Variants in DERL3 observed in about 807,000 individuals in gnomAD.
The protein encoded by DERL3 is derlin-3.
In DERL3, 20 loss-of-function variants were observed where a neutral mutation model predicts 23.8. The observed-to-expected ratio is 0.84, with a 90% CI of 0.59 to 1.22. DERL3 has a LOEUF of 1.22. Ranked by LOEUF, DERL3 falls within the 50% of genes most tolerant of loss-of-function variation. DERL3 has a pLI of 0.00. For missense variants in DERL3, 319 were observed against 304.1 expected, an observed-to-expected ratio of 1.05 and a Z score of -0.36; for synonymous variants, 145 against 132.5, an observed-to-expected ratio of 1.09 and a Z score of -0.65.
rs112734547 is a variant in DERL3 at position 23,837,156 on chromosome 22, T to A, written c.524-2A>T. The stretch of plus-strand genomic sequence containing the variant: ...AGTAGATATGGCCCACCGCAATCCC[T>A]GTGAGACAGCCACGGACTGTGGGGT... On this transcript the variant is annotated splice_acceptor_variant, in intron 5 of 6. Transcript: ENST00000318109. LOFTEE classifies it high-confidence loss of function. 1 of 1,613,710 alleles carries A rather than the reference T, an allele frequency of 6.2e-7. No individual in the cohort carries two copies. Among genetic ancestry groups the A allele is most frequent in the South Asian group, 1.1e-5 (1 of 91,060 alleles).
At chr22:23,838,026 T>C in intron 4 of DERL3, 172 bp from the exon 5 acceptor site, 1 of 1,334,822 alleles carries the variant, frequency 7.5e-7, no homozygotes, top group Non-Finnish European at 1.0e-6. Flanking sequence ...TCCCACGAAA[T>C]CTGCCCTGCA....
Position 23,836,379 on chromosome 22 carries a change from G to C in DERL3, c.*490C>G. On this transcript the variant is annotated 3_prime_UTR_variant, in exon 7 of 7. Transcript: ENST00000318109. ...GCACCACTGGCAGGAACATCTGTAG[G>C]CTGGTTTGGCACAACCTAGGAGACG... is the stretch of plus-strand genomic sequence containing the variant. 2 of 985,672 alleles carry C rather than the reference G, an allele frequency of 2.0e-6. No individual in the cohort carries two copies. Among genetic ancestry groups the C allele is most frequent in the Non-Finnish European group, 2.4e-6 (2 of 830,018 alleles). 61.1% of individuals were successfully genotyped at this position (985,672 alleles called of 1,614,324 possible). A position where few individuals can be genotyped will look rare whatever the true frequency, so the allele number is the denominator to read the frequency against.
intron 4 of DERL3, 136 bp from the exon 5 acceptor site, chr22:23,837,990 A>G (rs2031238960): frequency 8.1e-7 from 1 of 1,240,464 alleles, no homozygotes. Context: ...AGTCCAATAA[A>G]GGCGACACAC....
chr22:23,837,005 C>G (rs1419353170), intron 6 of DERL3, 43 bp from the exon 7 acceptor site: 1 of 1,611,838 alleles, frequency 6.2e-7, no homozygotes, highest in Non-Finnish European at 8.5e-7. Context: ...AGCACAGGTC[C>G]CCATCGGTGG....
chr22:23,838,852 G>T, intron 1 of DERL3, 43 bp downstream of exon 1: 3 of 1,550,978 alleles, frequency 1.9e-6, no homozygotes, highest in Non-Finnish European at 2.6e-6. Flanking sequence ...CCTCCCGCCA[G>T]AGGCTGTAAC....
Position 23,836,157 on chromosome 22 carries a change from T to C in DERL3, c.*712A>G. ...ACAGAACCTTCCAGAAGTCCCTGCC[T>C]CACCCAGTCTCAGAACTCTGCTAAG... is the stretch of plus-strand genomic sequence containing the variant. On this transcript the variant is annotated 3_prime_UTR_variant, in exon 7 of 7. Transcript: ENST00000318109. 3.0e-6 allele frequency: 3 copies of C among 985,446 alleles called. No individual in the cohort carries two copies. Among genetic ancestry groups the C allele is most frequent in the African/African-American group, 3.5e-5 (2 of 57,362 alleles). 61.0% of individuals were successfully genotyped at this position (985,446 alleles called of 1,614,324 possible).
chr22:23,837,757 T>G lies in DERL3; in HGVS notation c.425A>C (p.Asn142Thr). The G allele has an allele frequency of 6.2e-7, 1 of 1,614,004 alleles. No homozygotes were observed. Among genetic ancestry groups the G allele is most frequent in the Non-Finnish European group, 8.5e-7 (1 of 1,180,012 alleles). ...WSRRSPRVRVNFFGLLTFQAP... is the reference protein window; with the variant it reads ...WSRRSPRVRVTFFGLLTFQAP... ...CTGGAAAGTGAGCAGGCCGAAGAAG[T>G]TGACCCTCACCCGAGGGCTGCGGCG... is the stretch of plus-strand genomic sequence containing the variant. Residue 142 changes from asparagine to threonine, a missense_variant, in exon 5 of 7, where the codon AAC becomes ACC. Coordinates refer to ENST00000318109, the MANE Select transcript of DERL3 (RefSeq NM_001002862.3).
Position 23,835,231 on chromosome 22 carries a change from A to AATAGGG in DERL3, c.*1632_*1637dup, listed in dbSNP as rs2030950389. ...TCATGTCCCCTCTGTTCTCATCTGT[A>AATAGGG]ATAGGGAGGTGTCCCCATTCTTCAG... On this transcript the variant is annotated 3_prime_UTR_variant, in exon 7 of 7. Coordinates refer to ENST00000318109, the MANE Select transcript of DERL3 (RefSeq NM_001002862.3). 4 of 1,190,418 alleles carry AATAGGG rather than the reference A, an allele frequency of 3.4e-6. No homozygotes were observed. Among genetic ancestry groups the AATAGGG allele is most frequent in the Non-Finnish European group, 4.2e-6 (4 of 960,952 alleles). 73.7% of individuals were successfully genotyped at this position (1,190,418 alleles called of 1,614,324 possible).
chr22:23,837,498 G>A (rs2031169410), intron 5 of DERL3, 161 bp downstream of exon 5: 5 of 766,184 alleles, frequency 6.5e-6, no homozygotes, highest in Non-Finnish European at 1.0e-5. Context: ...GCTGGCTTGA[G>A]GGGCTGTAAG....
At position 23,836,816 on chromosome 22, in the gene DERL3, A is replaced by G. The variant is rs2031082912; in HGVS notation, c.*53T>C. Reference sequence around the variant, plus strand: ...GTTTTTTCTGCCCCAAGTAGGGGTCATGGGTAGGATGGAAGCTGCCAGAAG... The same window carrying G: ...GTTTTTTCTGCCCCAAGTAGGGGTCGTGGGTAGGATGGAAGCTGCCAGAAG... On this transcript the variant is annotated 3_prime_UTR_variant, in exon 7 of 7. Coordinates refer to ENST00000318109, the MANE Select transcript of DERL3 (RefSeq NM_001002862.3). 4.9e-6 allele frequency: 7 copies of G among 1,431,038 alleles called. No homozygotes were observed. The highest frequency in any genetic ancestry group is 1.6e-5 in the South Asian group (1 of 62,218). 88.6% of individuals were successfully genotyped at this position (1,431,038 alleles called of 1,614,324 possible). A position where few individuals can be genotyped will look rare whatever the true frequency, so the allele number is the denominator to read the frequency against.
chr22:23,835,293 C>T lies in DERL3; in HGVS notation c.*1576G>A, dbSNP rs935256525. 2.4e-5 allele frequency: 25 copies of T among 1,052,270 alleles called. No homozygotes were observed. The highest frequency in any genetic ancestry group is 1.7e-4 in the African/African-American group (10 of 59,682). The allele number at this position is 1,052,270 out of a possible 1,614,324, so 65.2% of individuals were successfully genotyped here. On this transcript the variant is annotated 3_prime_UTR_variant, in exon 7 of 7. Transcript: ENST00000318109. ...GATCTGGGAGGGCAGCAAACTGGCT[C>T]GCAGCTCCAGCCTTACTGAAGAGAA... is the stretch of plus-strand genomic sequence containing the variant.
intron 5 of DERL3, 37 bp from the exon 6 acceptor site, chr22:23,837,191 C>T: frequency 1.2e-6 from 2 of 1,610,564 alleles, no homozygotes; most frequent in Non-Finnish European, 8.5e-7. Context: ...TCACCCTCCA[C>T]AGCCCAGAGT....
chr22:23,834,802 C>G lies in DERL3; in HGVS notation c.*2067G>C. 3.1e-6 allele frequency: 5 copies of G among 1,603,252 alleles called. No individual in the cohort carries two copies. The highest frequency in any genetic ancestry group is 4.3e-6 in the Non-Finnish European group (5 of 1,175,470). The stretch of plus-strand genomic sequence containing the variant: ...GGCTCTCTGCCTTTCAGGAACAGCC[C>G]TAACCCTGCTCCCCTTGCTTGGCCT... On this transcript the variant is annotated 3_prime_UTR_variant, in exon 7 of 7. Transcript: ENST00000318109.
rs1240084359 is a variant in DERL3 at position 23,834,779 on chromosome 22, C to G, written c.*2090G>C. 1.3e-6 allele frequency: 2 copies of G among 1,569,018 alleles called. No homozygotes were observed. Among genetic ancestry groups the G allele is most frequent in the African/African-American group, 2.7e-5 (2 of 74,012 alleles). ...TAGCTGTGAGGCTCAGGGCAAGAGG[C>G]TCTCTGCCTTTCAGGAACAGCCCTA... On this transcript the variant is annotated 3_prime_UTR_variant, in exon 7 of 7. Coordinates refer to ENST00000318109, the MANE Select transcript of DERL3 (RefSeq NM_001002862.3).
In DERL3 at chr22:23,835,177, G is replaced by A. The variant is rs1431982803; in HGVS notation, c.*1692C>T. Reference sequence around the variant, plus strand: ...GTACAGGGAGGAGACACAGCCCAGGGTCCCTTCCCAGCCCTGCCTCCAAGG... The same window carrying A: ...GTACAGGGAGGAGACACAGCCCAGGATCCCTTCCCAGCCCTGCCTCCAAGG... On this transcript the variant is annotated 3_prime_UTR_variant, in exon 7 of 7. Transcript: ENST00000318109. 5 of 1,284,094 alleles carry A rather than the reference G, an allele frequency of 3.9e-6. No individual in the cohort carries two copies. Among genetic ancestry groups the A allele is most frequent in the Non-Finnish European group, 4.9e-6 (5 of 1,018,004 alleles). The allele number at this position is 1,284,094 out of a possible 1,614,324, so 79.5% of individuals were successfully genotyped here. A position where few individuals can be genotyped will look rare whatever the true frequency, so the allele number is the denominator to read the frequency against.
Position 23,836,106 on chromosome 22 carries a change from C to T in DERL3, c.*763G>A, listed in dbSNP as rs1355478207. On this transcript the variant is annotated 3_prime_UTR_variant, in exon 7 of 7. Transcript: ENST00000318109. The stretch of plus-strand genomic sequence containing the variant: ...CCACAGGGGTCGGATAAGGCTCACA[C>T]ACGTCCTCAGCTAAAAAGGGCAGGA... The T allele has an allele frequency of 1.0e-6, 1 of 985,368 alleles. No homozygotes were observed. Among genetic ancestry groups the T allele is most frequent in the Non-Finnish European group, 1.2e-6 (1 of 829,982 alleles). 61.0% of individuals were successfully genotyped at this position (985,368 alleles called of 1,614,324 possible).
chr22:23,838,976 C>G lies in DERL3; in HGVS notation c.12G>C (p.Gln4His). 6.3e-7 allele frequency: 1 copy of G among 1,575,336 alleles called. No homozygotes were observed. The highest frequency in any genetic ancestry group is 8.6e-7 in the Non-Finnish European group (1 of 1,160,358). Residue 4 changes from glutamine to histidine, a missense_variant, in exon 1 of 7, where the codon CAG becomes CAC. Physicochemically the swap from Gln to His is conservative, Grantham distance 24. Transcript: ENST00000318109. ...CCTGCAGGAACTCGGCCGCTAGTCCCTGCCACGCCATTGAACCTTCTCAAG... is the reference window on the plus strand; with the variant it reads ...CCTGCAGGAACTCGGCCGCTAGTCCGTGCCACGCCATTGAACCTTCTCAAG... MAW[Q>H]GLAAEFLQVP...
chr22:23,838,451 G>A lies in DERL3; in HGVS notation c.234-6C>T. On this transcript the variant is annotated splice_polypyrimidine_tract_variant and splice_region_variant and intron_variant, in intron 3 of 6. Coordinates refer to ENST00000318109, the MANE Select transcript of DERL3 (RefSeq NM_001002862.3). ...GCATGCGGCAGTAGCGGAACCTACG[G>A]CGTCGGTATAGGAAGTGCCACCAGG... 1 of 1,598,748 alleles carries A rather than the reference G, an allele frequency of 6.3e-7. No individual in the cohort carries two copies. Among genetic ancestry groups the A allele is most frequent in the African/African-American group, 1.3e-5 (1 of 74,610 alleles).
Position 23,838,550 on chromosome 22 carries a change from A to G in DERL3, c.233+14T>C, listed in dbSNP as rs759998162. On this transcript the variant is annotated intron_variant, in intron 3 of 6. Transcript: ENST00000318109. ...TGCCCTCCACCCAGCCCGTGTCCGC[A>G]GGGCGCAGGATACACGAAGAGCATG... 1 of 1,581,212 alleles carries G rather than the reference A, an allele frequency of 6.3e-7. No homozygotes were observed. The highest frequency in any genetic ancestry group is 1.2e-5 in the South Asian group (1 of 86,700).
Sources: gnomAD v4.1 joint callset for allele counts on GRCh38, gnomAD v4.1.1 for gene constraint, MANE v1.5 for transcripts, NCBI Gene and HGNC (gene_info 2026-07-23, HGNC 2026-07-21) for gene names.